CEP192: variants seen among roughly 807,000 people sequenced by gnomAD.
CEP192 encodes centrosomal protein 192, also known as centrosomal protein of 192 kDa.
CEP192 carries 151 observed loss-of-function variants against 271.8 expected under a neutral mutation model. That is an observed-to-expected ratio of 0.56 (90% confidence interval 0.49 to 0.64). The LOEUF (loss-of-function observed/expected upper bound fraction) is 0.64, where lower values mean the gene tolerates loss of function less well. Among genes scored for constraint, CEP192 ranks in the 30% least tolerant of loss-of-function variants. The pLI, the probability that CEP192 is intolerant of heterozygous loss-of-function variation, is 0.00. For missense variants in CEP192, 2,910 were observed against 3,020.5 expected (o/e 0.96, Z 0.86); for synonymous variants, 995 against 1,076.5 (o/e 0.92, Z 1.48).
At chr18:13,103,251 T>C (rs1190353042) in intron 38 of CEP192, among the ~76,000 whole-genome samples, 1 of 152,214 alleles carries the variant, frequency 6.6e-6, no homozygotes, top group Admixed American at 6.5e-5. Context: ...TCTGTAACGC[T>C]TTAAAAATGT....
At chr18:13,072,527 A>G (rs2038063962) in intron 28 of CEP192, among the ~76,000 whole-genome samples, 3 of 152,250 alleles carry the variant, frequency 2.0e-5, no homozygotes. Context: ...CTGCAGAGCT[A>G]TAACTGGAGA....
rs1056658661 is a variant in CEP192, at chr18:13,029,787, A to G, written c.1175A>G (p.Gln392Arg). Residue 392 changes from glutamine (Q) to arginine (R), a missense_variant, in exon 10 of 45, where the codon CAG (glutamine) becomes CGG (arginine). Gln to Arg is a conservative substitution (Grantham distance 43). Transcript: ENST00000506447. ...TTTGATCTGACTGACCCTGTAAAAC[A>G]GGGGGCAGAGTGTCCTCACCAAAAT... ...GGFDLTDPVKQGAECPHQNKT... is the reference protein window; with the variant it reads ...GGFDLTDPVKRGAECPHQNKT... 10 of 1,551,672 alleles carry G rather than the reference A, an allele frequency of 6.4e-6. No individual in the cohort carries two copies. In the East Asian group the frequency reaches 1.7e-4, roughly 27 times the overall value.
At chr18:13,034,503 A>G (rs890247530) in intron 11 of CEP192, among the ~76,000 whole-genome samples, 1 of 152,162 alleles carries the variant, frequency 6.6e-6, no homozygotes, top group Non-Finnish European at 1.5e-5. Context: ...TATTCAGAAC[A>G]GTTCCTTAAG....
intron 32 of CEP192, among the ~76,000 whole-genome samples, chr18:13,088,532 C>T (rs895217955): frequency 2.0e-5 from 3 of 152,024 alleles, no homozygotes; most frequent in African/African-American, 7.3e-5. Context: ...TAAGTTTAGG[C>T]GTGATTTAAA....
intron 30 of CEP192, 114 bp from the exon 31 acceptor site, chr18:13,086,899 CACAA>C: frequency 1.4e-6 from 1 of 709,670 alleles, no homozygotes; most frequent in South Asian, 2.2e-5. Flanking sequence ...ACCCAAAGTA[CACAA>C]ACATTTAAAT....
chr18:13,032,507 A>G (rs1417839363), intron 11 of CEP192, among the ~76,000 whole-genome samples: 1 of 152,226 alleles, frequency 6.6e-6, no homozygotes, highest in African/African-American at 2.4e-5. Context: ...TTTATCACTT[A>G]AAAGATCATG....
chr18:13,030,429 T>A (rs756522661), intron 10 of CEP192, 36 bp from the exon 11 acceptor site: 1 of 1,499,612 alleles, frequency 6.7e-7, no homozygotes, highest in Non-Finnish European at 9.0e-7. Context: ...AGTTGTTACA[T>A]GTGTCATTTG....
intron 30 of CEP192, among the ~76,000 whole-genome samples, chr18:13,084,824 T>A (rs183004991): frequency 6.6e-6 from 1 of 151,992 alleles, no homozygotes; most frequent in Non-Finnish European, 1.5e-5. Flanking sequence ...GATTTCCTTT[T>A]TTTTTTTGAG....
intron 3 of CEP192, 97 bp downstream of exon 3, chr18:13,001,679 G>T: frequency 8.6e-7 from 1 of 1,162,176 alleles, no homozygotes; most frequent in South Asian, 1.8e-5. Flanking sequence ...AATTAATTCT[G>T]ATTAATTCTA....
At chr18:13,105,211 AG>A (rs2039894806) in intron 40 of CEP192, 132 bp downstream of exon 40, 1 of 685,938 alleles carries the variant, frequency 1.5e-6, no homozygotes, top group Non-Finnish European at 2.6e-6. Context: ...ACGAGAGAAG[AG>A]TCTGCCTCAC....
intron 18 of CEP192, 49 bp downstream of exon 18, chr18:13,053,139 A>G: frequency 6.9e-7 from 1 of 1,438,984 alleles, no homozygotes; most frequent in Non-Finnish European, 9.5e-7. Flanking sequence ...AACTCTTAAA[A>G]GTGTTAACAG....
intron 21 of CEP192, among the ~76,000 whole-genome samples, chr18:13,061,873 T>C (rs1315145812): frequency 6.6e-6 from 1 of 152,222 alleles, no homozygotes; most frequent in Non-Finnish European, 1.5e-5. Context: ...CCAAACATGG[T>C]CAAGCCATCC....
chr18:13,104,010 C>T, intron 39 of CEP192: 2 of 365,862 alleles, frequency 5.5e-6, no homozygotes, highest in Non-Finnish European at 1.1e-5. Context: ...TTTGTTCCAC[C>T]AATTCATTTA....
chr18:13,029,994 A>T lies in CEP192; in HGVS notation c.1382A>T (p.Asn461Ile). The T allele has an allele frequency of 6.5e-7, 1 of 1,544,300 alleles. No individual in the cohort carries two copies. The highest frequency in any genetic ancestry group is 8.8e-7 in the Non-Finnish European group (1 of 1,141,318). Residue 461 changes from asparagine to isoleucine, a missense_variant, in exon 10 of 45, where the codon AAT becomes ATT. Asn to Ile is a moderately radical substitution (Grantham distance 149). Coordinates refer to ENST00000506447, the MANE Select transcript of CEP192 (RefSeq NM_032142.4). ...GAATGTCACGAGTCCATCGAAAAGAATAAAGACAGTAAGTGGACTTTTTAA... is the reference window on the plus strand; with the variant it reads ...GAATGTCACGAGTCCATCGAAAAGATTAAAGACAGTAAGTGGACTTTTTAA... ...TCECHESIEKNKDKTDLPQSV... is the reference protein window; with the variant it reads ...TCECHESIEKIKDKTDLPQSV...
chr18:13,118,444 A>G (rs536112442), intron 44 of CEP192, among the ~76,000 whole-genome samples: 32 of 152,310 alleles, frequency 2.1e-4, no homozygotes, highest in African/African-American at 7.2e-4. Context: ...TGGATACTGG[A>G]AAGATGGCTC....
Position 13,124,885 on chromosome 18 carries a change from T to G in CEP192, c.*115T>G. 2.3e-6 allele frequency: 2 copies of G among 883,760 alleles called. No individual in the cohort carries two copies. The highest frequency in any genetic ancestry group is 3.4e-6 in the Non-Finnish European group (2 of 596,340). 54.7% of individuals were successfully genotyped at this position (883,760 alleles called of 1,614,324 possible). ...ATTTTGTATGATGGATATCTATAATTGTAGATTTTGTTTTTACAAGCTAAT... is the reference window on the plus strand; with the variant it reads ...ATTTTGTATGATGGATATCTATAATGGTAGATTTTGTTTTTACAAGCTAAT... On this transcript the variant is annotated 3_prime_UTR_variant, in exon 45 of 45. Transcript: ENST00000506447.
intron 1 of CEP192, among the ~76,000 whole-genome samples, chr18:12,993,494 CAG>C (rs2033009518): frequency 6.6e-6 from 1 of 152,200 alleles, no homozygotes; most frequent in Non-Finnish European, 1.5e-5. Context: ...TTATTTAAGA[CAG>C]GGTCTCACTT....
At chr18:13,098,688 T>C (rs1288049077) in intron 36 of CEP192, among the ~76,000 whole-genome samples, 1 of 148,952 alleles carries the variant, frequency 6.7e-6, no homozygotes, top group East Asian at 2.0e-4. Flanking sequence ...CGCTCCTCAC[T>C]TTCCAGACTG....
Position 13,056,650 on chromosome 18 carries a change from A to T in CEP192, c.4060A>T (p.Thr1354Ser), listed in dbSNP as rs747878360. The change falls in exon 19 of 45, where the codon ACA becomes TCA. Residue 1354 changes from threonine to serine, a missense_variant. Transcript: ENST00000506447. Reference sequence around the variant, plus strand: ...ACCTTTTCCTGTGCCGTCTGTTGGTACAAACTGTGGAATTGAACCATGGGA... The same window carrying T: ...ACCTTTTCCTGTGCCGTCTGTTGGTTCAAACTGTGGAATTGAACCATGGGA... ...TKPFPVPSVG[T>S]NCGIEPWDSG... is the part of the protein sequence containing the mutation. The T allele has an allele frequency of 8.9e-5, 144 of 1,613,270 alleles. No homozygotes were observed. The highest frequency in any genetic ancestry group is 1.1e-4 in the Non-Finnish European group (126 of 1,179,552).
Sources: allele counts gnomAD v4.1 joint callset (sites outside exome capture counted in the v4.1 genomes callset), GRCh38; gene constraint gnomAD v4.1.1; transcripts MANE v1.5; gene names NCBI Gene and HGNC (gene_info 2026-07-23, HGNC 2026-07-21).